The following RTEL1 variants were observed in gnomAD, a reference collection of about 807,000 sequenced individuals.
The protein encoded by RTEL1 is regulator of telomere elongation helicase 1, also known as regulator of telomere length.
Under a neutral mutation model 162.2 loss-of-function variants are expected in RTEL1, and 86 were observed. The observed-to-expected ratio is 0.53, with a 90% CI of 0.45 to 0.63. RTEL1 has a LOEUF of 0.63. Ranked by LOEUF, RTEL1 falls within the 30% of genes least tolerant of loss-of-function variation. The probability of loss-of-function intolerance (pLI) is 0.00; values close to 1 mark genes in which losing one functional copy is unlikely to be tolerated. For missense variants in RTEL1, 1,941 were observed against 1,750.2 expected, an observed-to-expected ratio of 1.11 and a Z score of -1.95; for synonymous variants, 958 against 717.9, an observed-to-expected ratio of 1.33 and a Z score of -5.35.
chr20:63,680,041 C>T lies in RTEL1; in HGVS notation c.1135+95C>T, dbSNP rs937332429. 8 of 829,348 alleles carry T rather than the reference C, an allele frequency of 9.6e-6. No homozygotes were observed. The South Asian group carries it at 1.0e-4, about 11-fold the overall frequency. The allele number at this position is 829,348 out of a possible 1,614,324, so 51.4% of individuals were successfully genotyped here. On this transcript the variant is annotated intron_variant, in intron 13 of 34. Coordinates refer to ENST00000360203, the MANE Select transcript of RTEL1 (RefSeq NM_001283009.2). ...GCAGTCAGGGCTCCCCTGGCCGTCA[C>T]CTGGCCGTCAGCAGGAACAGGCCCA...
In RTEL1 at chr20:63,661,398, C is replaced by G; in HGVS notation, c.203C>G (p.Ser68Cys). Residue 68 changes from serine (S) to cysteine (C), a missense_variant, in exon 3 of 35, where the codon TCT becomes TGT. Ser to Cys is a moderately radical substitution (Grantham distance 112). Coordinates refer to ENST00000360203, the MANE Select transcript of RTEL1 (RefSeq NM_001283009.2). This position sits in a 1 kb window ranked among gnomAD's most constrained non-coding sequence, Gnocchi z 5.1. ...CGAGAACACCTCCGAGACGGCATCTCTGCCCGCAAGATTGCCGAGAGGGCG... is the reference window on the plus strand; with the variant it reads ...CGAGAACACCTCCGAGACGGCATCTGTGCCCGCAAGATTGCCGAGAGGGCG... Reference protein sequence around the residue: ...AWREHLRDGISARKIAERAQG... With the variant: ...AWREHLRDGICARKIAERAQG... 1.2e-6 allele frequency: 2 copies of G among 1,614,020 alleles called. No homozygotes were observed. The highest frequency in any genetic ancestry group is 1.7e-6 in the Non-Finnish European group (2 of 1,180,050).
chr20:63,692,751 A>G (rs888030008), intron 28 of RTEL1, 54 bp from the exon 29 acceptor site: 37 of 1,538,798 alleles, frequency 2.4e-5, no homozygotes, highest in Non-Finnish European at 3.1e-5. Context: ...CTGCAGCCCC[A>G]GGGACCAGAT....
Position 63,692,016 on chromosome 20 carries a change from G to GGGGGCT in RTEL1, c.2652+180_2652+185dup, listed in dbSNP as rs1254444137. 1.6e-5 allele frequency: 9 copies of GGGGGCT among 566,176 alleles called. No individual in the cohort carries two copies. In the African/African-American group the frequency reaches 1.7e-4, roughly 11 times the overall value. The allele number at this position is 566,176 out of a possible 1,614,324, so 35.1% of individuals were successfully genotyped here. A position where few individuals can be genotyped will look rare whatever the true frequency, so the allele number is the denominator to read the frequency against. ...GCTCAAGTGTGTGGTTTCTTCTGCA[G>GGGGGCT]GGGGCTCATGAGTCCCAGCTGGAAT... On this transcript the variant is annotated intron_variant, in intron 28 of 34. Transcript: ENST00000360203.
At chr20:63,688,455 A>C in intron 20 of RTEL1, 69 bp downstream of exon 20, 2 of 1,603,636 alleles carry the variant, frequency 1.2e-6, no homozygotes, top group Non-Finnish European at 1.7e-6. Flanking sequence ...GGCAGTGGTC[A>C]CAGCTCCTGC....
rs200598131 is a variant in RTEL1 at position 63,662,528 on chromosome 20, G to T, written c.396-18G>T. ...TGGAGACAGCTCCTCCTCGACCCAC[G>T]GTGCTCTCTCCCACCAGGCCTAAGG... On this transcript the variant is annotated intron_variant, in intron 4 of 34. Transcript: ENST00000360203. The T allele has an allele frequency of 6.2e-7, 1 of 1,613,770 alleles. No homozygotes were observed. The highest frequency in any genetic ancestry group is 1.1e-5 in the South Asian group (1 of 90,994).
In RTEL1 at chr20:63,686,287, C is replaced by T. The variant is rs370856226; in HGVS notation, c.1348+415C>T. 8.3e-4 allele frequency: 207 copies of T among 249,926 alleles called. 2 individuals are homozygous for T. The East Asian group carries it at 0.017, about 20-fold the overall frequency. 15.5% of individuals were successfully genotyped at this position (249,926 alleles called of 1,614,324 possible). ...AGGGGGCCCGGCTGGCCCTGTTGTC[C>T]GAAGCCCCTGGTGCGCTCAGCCCCG... On this transcript the variant is annotated intron_variant, in intron 16 of 34. Transcript: ENST00000360203.
intron 10 of RTEL1, among the ~76,000 whole-genome samples, 171 bp from the exon 11 acceptor site, chr20:63,677,974 G>T (rs1471345148): frequency 1.3e-5 from 2 of 151,004 alleles, no homozygotes; most frequent in African/African-American, 2.5e-5. Context: ...CACGGATTCT[G>T]TGTGGCCTCT....
chr20:63,693,033 T>G (rs1601183267), intron 29 of RTEL1, 30 bp downstream of exon 29: 1 of 1,611,268 alleles, frequency 6.2e-7, no homozygotes, highest in Non-Finnish European at 8.5e-7. Flanking sequence ...CCACCCACCC[T>G]GAGGGCAGTG....
chr20:63,668,690 G>A lies in RTEL1; in HGVS notation c.699+1137G>A, dbSNP rs1442750992. On this transcript the variant is annotated intron_variant, in intron 8 of 34. Coordinates refer to ENST00000360203, the MANE Select transcript of RTEL1 (RefSeq NM_001283009.2). This position sits in a 1 kb window ranked among gnomAD's most constrained non-coding sequence, Gnocchi z 4.3. ...GGTTTGCCGTGGTTGTGGGTGACTC[G>A]GTGCTTTGAGCCCTGGCTGCCCCTG... 1.3e-5 allele frequency among the ~76,000 whole-genome samples: 2 copies of A among 152,194 alleles called. No individual in the cohort carries two copies. The highest frequency in any genetic ancestry group is 1.3e-4 in the Admixed American group (2 of 15,276).
intron 8 of RTEL1, among the ~76,000 whole-genome samples, chr20:63,670,829 A>C (rs1157076119): frequency 6.6e-6 from 1 of 152,012 alleles, no homozygotes; most frequent in East Asian, 1.9e-4. Context: ...AAAAAAAAAA[A>C]AAGAAAAAAG....
Position 63,696,193 on chromosome 20 carries a change from T to G in RTEL1, c.*335T>G. ...AGGAGGAGACCCCCGTGGGCACGTG[T>G]CCACTTTTAATCAGGGGACAGGGCT... is the stretch of plus-strand genomic sequence containing the variant. On this transcript the variant is annotated 3_prime_UTR_variant, in exon 35 of 35. Coordinates refer to ENST00000360203, the MANE Select transcript of RTEL1 (RefSeq NM_001283009.2). 2.3e-6 allele frequency: 1 copy of G among 433,186 alleles called. No individual in the cohort carries two copies. The highest frequency in any genetic ancestry group is 4.2e-6 in the Non-Finnish European group (1 of 240,358). The allele number at this position is 433,186 out of a possible 1,614,324, so 26.8% of individuals were successfully genotyped here. A position where few individuals can be genotyped will look rare whatever the true frequency, so the allele number is the denominator to read the frequency against.
intron 14 of RTEL1, among the ~76,000 whole-genome samples, chr20:63,684,526 TG>T (rs1344024197): frequency 1.3e-5 from 2 of 151,656 alleles, no homozygotes; most frequent in African/African-American, 4.9e-5. Flanking sequence ...GCTAATTTTT[TG>T]TATTTTTAGT....
intron 14 of RTEL1, 48 bp downstream of exon 14, chr20:63,680,767 CG>C: frequency 1.2e-6 from 2 of 1,607,580 alleles, no homozygotes; most frequent in Non-Finnish European, 1.7e-6. Flanking sequence ...GGAAGCCGGG[CG>C]GGTGCCTTCT....
At chr20:63,693,582 A>ACCACCTCCACCTCCACCT (rs2090864714) in intron 30 of RTEL1, among the ~76,000 whole-genome samples, 1 of 20,624 alleles carries the variant, frequency 4.8e-5, no homozygotes, top group Admixed American at 4.7e-4. Context: ...CACCTCCACC[A>ACCACCTCCACCTCCACCT]CCACCACCTC....
At position 63,691,543 on chromosome 20, in the gene RTEL1, C is replaced by T. The variant is rs80132799; in HGVS notation, c.2557-199C>T. On this transcript the variant is annotated intron_variant, in intron 27 of 34. Coordinates refer to ENST00000360203, the MANE Select transcript of RTEL1 (RefSeq NM_001283009.2). ...ACCTGCTCTTACAAGTCACCACCTG[C>T]GAGCCTCATGAGCCGCTGGTGTGAC... Among the ~76,000 whole-genome samples the T allele has an allele frequency of 0.042, 6,387 of 152,230 alleles. 209 individuals are homozygous for T. The highest frequency in any genetic ancestry group is 0.068 in the Non-Finnish European group (4,602 of 68,000).
chr20:63,684,922 G>C (rs1255751442), intron 14 of RTEL1, among the ~76,000 whole-genome samples: 1 of 151,870 alleles, frequency 6.6e-6, no homozygotes, highest in African/African-American at 2.4e-5. Context: ...CTGTTGCCCA[G>C]GCTGGAGTGC....
In RTEL1 at chr20:63,667,944, C is replaced by T. The variant is rs147416803; in HGVS notation, c.699+391C>T. ...GCGTGCCCGGCCCCACACTCACTCC[C>T]CCTCCCAGCATGTGCCCGGCTTCAC... On this transcript the variant is annotated intron_variant, in intron 8 of 34. Coordinates refer to ENST00000360203, the MANE Select transcript of RTEL1 (RefSeq NM_001283009.2). Among the ~76,000 whole-genome samples the T allele has an allele frequency of 5.9e-4, 90 of 151,828 alleles. 2 individuals carry two copies. Among genetic ancestry groups the T allele is most frequent in the African/African-American group, 2.1e-3 (87 of 41,394 alleles).
rs1373265421 is a variant in RTEL1 at position 63,696,153 on chromosome 20, A to T, written c.*295A>T. Reference sequence around the variant, plus strand: ...TGGTGCCACAGGGGCACCCCAGCTGAGCCCCTCACCGGGAAGGAGGAGACC... The same window carrying T: ...TGGTGCCACAGGGGCACCCCAGCTGTGCCCCTCACCGGGAAGGAGGAGACC... On this transcript the variant is annotated 3_prime_UTR_variant, in exon 35 of 35. Coordinates refer to ENST00000360203, the MANE Select transcript of RTEL1 (RefSeq NM_001283009.2). 1.0e-5 allele frequency: 5 copies of T among 486,388 alleles called. No homozygotes were observed. In the East Asian group the frequency reaches 1.3e-4, roughly 13 times the overall value. 30.1% of individuals were successfully genotyped at this position (486,388 alleles called of 1,614,324 possible).
chr20:63,680,238 C>T (rs973531018), intron 13 of RTEL1, among the ~76,000 whole-genome samples: 3 of 152,222 alleles, frequency 2.0e-5, no homozygotes, highest in Admixed American at 6.5e-5. Context: ...CCTCTGGCTT[C>T]TCCACACCAC....
Sources: gnomAD v4.1 joint callset for allele counts (sites outside exome capture counted in the v4.1 genomes callset) on GRCh38, gnomAD v4.1.1 for gene constraint, Gnocchi (gnomAD v3.1) non-coding constraint, MANE v1.5 for transcripts, NCBI Gene and HGNC (gene_info 2026-07-23, HGNC 2026-07-21) for gene names.